The following NOC2L variants were observed in gnomAD, a reference collection of about 807,000 sequenced individuals.
NOC2L encodes the protein NOC2 like nucleolar associated transcriptional repressor.
In NOC2L, 101 loss-of-function variants were observed where a neutral mutation model predicts 94.2. The ratio of observed to expected loss-of-function variants is 1.07; its 90% CI spans 0.91 to 1.26. The LOEUF (loss-of-function observed/expected upper bound fraction) is 1.26. Ranked by LOEUF, NOC2L falls within the 50% of genes most tolerant of loss-of-function variation. The probability of loss-of-function intolerance (pLI) is 0.00; values close to 1 mark genes in which losing one functional copy is unlikely to be tolerated. For synonymous variants in NOC2L, 531 were observed against 413.4 expected (o/e 1.28, Z -3.45); for missense variants, 1,076 against 980.1 (o/e 1.10, Z -1.31).
rs372047419 is a variant in NOC2L, at chr1:952,474, C to A, written c.1129G>T (p.Ala377Ser). ...ALEPGVAYQH[A>S]FLYIRQLAIH... ...GCGAGCTGGCGGATGTAGAGGAAGG[C>A]GTGCTGGTAGGCCACACCCGGCTCC... The change falls in exon 10 of 19, where the codon GCC becomes TCC. Residue 377 changes from alanine to serine, a missense_variant. Physicochemically the swap from Ala to Ser is moderately conservative, Grantham distance 99. Transcript: ENST00000327044. 6.2e-7 allele frequency: 1 copy of A among 1,613,666 alleles called. No individual in the cohort carries two copies. The highest frequency in any genetic ancestry group is 1.3e-5 in the African/African-American group (1 of 74,930).
intron 16 of NOC2L, among the ~76,000 whole-genome samples, 182 bp from the exon 17 acceptor site, chr1:945,835 GC>G (rs1186223963): frequency 6.6e-6 from 1 of 152,194 alleles, no homozygotes; most frequent in African/African-American, 2.4e-5. Flanking sequence ...CAAAGGCAGA[GC>G]CCTTCCTGCT....
rs776486014 is a variant in NOC2L at position 952,441 on chromosome 1, G to A, written c.1162C>T (p.Leu388=). Residue 388 remains leucine, a synonymous_variant, in exon 10 of 19, where the codon CTG becomes TTG. Coordinates refer to ENST00000327044, the MANE Select transcript of NOC2L (RefSeq NM_015658.4). ...FLYIRQLAIH[L]RNAMTTRKKE... is the part of the protein sequence containing the mutation. ...TTGCGAGTGGTCATGGCGTTGCGCA[G>A]GTGTATGGCGAGCTGGCGGATGTAG... The A allele has an allele frequency of 6.2e-7, 1 of 1,613,758 alleles. No individual in the cohort carries two copies. Among genetic ancestry groups the A allele is most frequent in the Admixed American group, 1.7e-5 (1 of 60,022 alleles).
Position 946,828 on chromosome 1 carries a change from C to T in NOC2L, c.1660-283G>A, listed in dbSNP as rs184388668. ...ATCCCAGCACTTTGGGAGGCTGAGG[C>T]GGGTGGATCACCTGAGGTCAGGAGT... is the stretch of plus-strand genomic sequence containing the variant. On this transcript the variant is annotated intron_variant, in intron 14 of 18. Transcript: ENST00000327044. 2.4e-3 allele frequency: 712 copies of T among 302,730 alleles called. 6 individuals carry two copies. Among genetic ancestry groups the T allele is most frequent in the African/African-American group, 0.014 (634 of 45,986 alleles). The allele number at this position is 302,730 out of a possible 1,614,324, so 18.8% of individuals were successfully genotyped here. A position where few individuals can be genotyped will look rare whatever the true frequency, so the allele number is the denominator to read the frequency against.
intron 6 of NOC2L, among the ~76,000 whole-genome samples, chr1:955,306 T>C (rs1642369825): frequency 6.6e-6 from 1 of 152,256 alleles, no homozygotes; most frequent in South Asian, 2.1e-4. Context: ...GTGGGTCTCC[T>C]TTCTTCCTTT....
intron 6 of NOC2L, 30 bp from the exon 7 acceptor site, chr1:954,112 G>C (rs1237495613): frequency 1.9e-6 from 3 of 1,607,780 alleles, no homozygotes; most frequent in East Asian, 4.5e-5. Context: ...CCCTGGCTGG[G>C]AGGCCCCACG....
In NOC2L at chr1:953,762, G is replaced by C; in HGVS notation, c.888+20C>G. On this transcript the variant is annotated intron_variant, in intron 8 of 18. Coordinates refer to ENST00000327044, the MANE Select transcript of NOC2L (RefSeq NM_015658.4). ...CCCCCGACCCCATGACAGACACAGG[G>C]AGGGGACTGGGCCACGAACCTTGAG... The C allele has an allele frequency of 1.3e-6, 2 of 1,569,520 alleles. No homozygotes were observed. The highest frequency in any genetic ancestry group is 1.8e-6 in the Non-Finnish European group (2 of 1,141,964).
intron 6 of NOC2L, 36 bp downstream of exon 6, chr1:955,887 T>A: frequency 2.0e-6 from 3 of 1,468,912 alleles, no homozygotes; most frequent in Non-Finnish European, 2.9e-6. Flanking sequence ...CCGACCCACC[T>A]TCCACCCTAC....
intron 16 of NOC2L, 114 bp from the exon 17 acceptor site, chr1:945,767 C>T (rs1642089733): frequency 4.7e-6 from 6 of 1,270,458 alleles, no homozygotes; most frequent in African/African-American, 3.0e-5. Flanking sequence ...AATTTCTAGT[C>T]CCCTCTGTTC....
rs1320418172 is a variant in NOC2L at position 944,373 on chromosome 1, A to T, written c.*321T>A. 29 of 1,346,430 alleles carry T rather than the reference A, an allele frequency of 2.2e-5. No homozygotes were observed. Among genetic ancestry groups the T allele is most frequent in the Non-Finnish European group, 2.8e-5 (29 of 1,050,094 alleles). 83.4% of individuals were successfully genotyped at this position (1,346,430 alleles called of 1,614,324 possible). A position where few individuals can be genotyped will look rare whatever the true frequency, so the allele number is the denominator to read the frequency against. ...GACGAGGTCTGCAGACGGAGGGCAGAGGTGGTGGAAGGGGCCAGGGGCCTG... is the reference window on the plus strand; with the variant it reads ...GACGAGGTCTGCAGACGGAGGGCAGTGGTGGTGGAAGGGGCCAGGGGCCTG... On this transcript the variant is annotated 3_prime_UTR_variant, in exon 19 of 19. Transcript: ENST00000327044.
chr1:954,127 G>A (rs749918390), intron 6 of NOC2L, 45 bp from the exon 7 acceptor site: 62 of 1,586,072 alleles, frequency 3.9e-5, no homozygotes, highest in African/African-American at 1.6e-4. Flanking sequence ...CCCACGGCTC[G>A]GACGCGAGGC....
intron 2 of NOC2L, chr1:958,637 C>T (rs1033034373): frequency 3.2e-6 from 2 of 623,308 alleles, no homozygotes; most frequent in Non-Finnish European, 6.0e-6. Context: ...GCACTTATCT[C>T]TCTTCTACCG....
chr1:956,810 G>A (rs1217501355), intron 4 of NOC2L, 84 bp downstream of exon 4: 22 of 1,577,070 alleles, frequency 1.4e-5, no homozygotes, highest in Middle Eastern at 4.6e-4. Context: ...CCAGCTGCCC[G>A]CCCCTCGCTG....
chr1:955,882 C>T, intron 6 of NOC2L, 41 bp downstream of exon 6: 1 of 1,533,590 alleles, frequency 6.5e-7, no homozygotes, highest in South Asian at 1.1e-5. Context: ...TGGTCCCGAC[C>T]CACCTTCCAC....
At chr1:952,640 C>T (rs1055509834) in intron 9 of NOC2L, 40 bp from the exon 10 acceptor site, 1 of 1,597,930 alleles carries the variant, frequency 6.3e-7, no homozygotes, top group Non-Finnish European at 8.6e-7. Context: ...GGGATCAGGG[C>T]CATGCACCTC....
At chr1:946,146 C>A in intron 16 of NOC2L, 27 bp downstream of exon 16, 1 of 1,513,926 alleles carries the variant, frequency 6.6e-7, no homozygotes, top group Non-Finnish European at 9.1e-7. Context: ...TCACAACACA[C>A]CCCCAGGTCC....
chr1:945,774 G>A (rs1280513016), intron 16 of NOC2L, 121 bp from the exon 17 acceptor site: 1 of 1,241,418 alleles, frequency 8.1e-7, no homozygotes, highest in Non-Finnish European at 1.1e-6. Context: ...AGTCCCCTCT[G>A]TTCCCAAATC....
In NOC2L at chr1:946,086, C is replaced by T. The variant is rs1416192976; in HGVS notation, c.1917+87G>A. The T allele has an allele frequency of 1.5e-5, 16 of 1,037,088 alleles. No homozygotes were observed. The East Asian group carries it at 3.6e-4, about 24-fold the overall frequency. The allele number at this position is 1,037,088 out of a possible 1,614,324, so 64.2% of individuals were successfully genotyped here. A position where few individuals can be genotyped will look rare whatever the true frequency, so the allele number is the denominator to read the frequency against. On this transcript the variant is annotated intron_variant, in intron 16 of 18. Coordinates refer to ENST00000327044, the MANE Select transcript of NOC2L (RefSeq NM_015658.4). ...CTGGCCGCCTGGCACTGTTTCCAAA[C>T]CCTCGCCCTGGTCTCAAGTCATAGT...
chr1:945,188 G>A (rs1271364075), intron 17 of NOC2L, 42 bp from the exon 18 acceptor site: 10 of 1,552,592 alleles, frequency 6.4e-6, no homozygotes, highest in Non-Finnish European at 8.7e-6. Context: ...CCCACCCACA[G>A]GGTCCACCAG....
intron 12 of NOC2L, among the ~76,000 whole-genome samples, chr1:950,437 GTGCACACAGGTACACACGCATGTGCA>G (rs1463831316): frequency 1.3e-5 from 2 of 150,482 alleles, no homozygotes; most frequent in Non-Finnish European, 3.0e-5. Flanking sequence ...ATGCAGACAG[GTGCACACAGGTACACACGCATGTGCA>G]TGCATACAGG....
Sources: allele counts gnomAD v4.1 joint callset (sites outside exome capture counted in the v4.1 genomes callset), GRCh38; gene constraint gnomAD v4.1.1; transcripts MANE v1.5; gene names NCBI Gene and HGNC (gene_info 2026-07-23, HGNC 2026-07-21).